PCDHA4: variants seen among roughly 807,000 people sequenced by gnomAD.
PCDHA4 encodes the protein protocadherin alpha-4.
Under a neutral mutation model 61.4 loss-of-function variants are expected in PCDHA4, and 49 were observed. That is an observed-to-expected ratio of 0.80 (90% CI 0.63 to 1.01). PCDHA4 has a LOEUF of 1.01. PCDHA4 is among the 50% of genes least tolerant of loss of function. PCDHA4 has a pLI of 0.00. For missense variants in PCDHA4, 1,254 were observed against 1,235.8 expected, an observed-to-expected ratio of 1.01 and a Z score of -0.22; for synonymous variants, 590 against 550.3, an observed-to-expected ratio of 1.07 and a Z score of -1.01.
intron 1 of PCDHA4, chr5:140,927,599 C>T (rs1250728851): frequency 6.2e-7 from 1 of 1,614,070 alleles, no homozygotes; most frequent in African/African-American, 1.3e-5. Context: ...TTTGAGCGCT[C>T]CGTATACCGC....
At chr5:140,919,183 A>T (rs2079029188) in intron 1 of PCDHA4, among the ~76,000 whole-genome samples, 1 of 152,104 alleles carries the variant, frequency 6.6e-6, no homozygotes, top group Non-Finnish European at 1.5e-5. Context: ...TATCTTCCTG[A>T]TTGGTCCTTT....
intron 2 of PCDHA4, among the ~76,000 whole-genome samples, chr5:140,980,712 T>G (rs4404731): frequency 0.013 from 1,940 of 152,272 alleles, 50 homozygotes; most frequent in African/African-American, 0.045. Context: ...GTGCTCCTAT[T>G]CGGGTTTCAA....
chr5:140,870,731 C>G (rs782095287), intron 1 of PCDHA4: 1 of 1,613,444 alleles, frequency 6.2e-7, no homozygotes. Flanking sequence ...GGCGTGCCGC[C>G]TCTGAGCAGC....
At chr5:140,833,399 G>C (rs1554133822) in intron 1 of PCDHA4, among the ~76,000 whole-genome samples, 1 of 152,156 alleles carries the variant, frequency 6.6e-6, no homozygotes, top group Non-Finnish European at 1.5e-5. Context: ...CTCAAGACTT[G>C]ATCAAAGGGC....
At chr5:140,824,171 C>G in intron 1 of PCDHA4, 1 of 1,610,416 alleles carries the variant, frequency 6.2e-7, no homozygotes, top group Non-Finnish European at 8.5e-7. Context: ...TCCCAATTTT[C>G]AAATATTAAA....
rs1764483648 is a variant in PCDHA4 at position 140,809,498 on chromosome 5, G to A, written c.2311G>A (p.Ala771Thr). The A allele has an allele frequency of 6.8e-6, 11 of 1,614,236 alleles. No individual in the cohort carries two copies. The highest frequency in any genetic ancestry group is 8.5e-6 in the Non-Finnish European group (10 of 1,180,034). The change falls in exon 1 of 4, where the codon GCC becomes ACC. Residue 771 changes from alanine (A) to threonine (T), a missense_variant. Physicochemically the swap from Ala to Thr is moderately conservative, Grantham distance 58 (BLOSUM62 0). Transcript: ENST00000530339. ...GEGPPKTDLMAFSPSLPDSRD... is the reference protein window; with the variant it reads ...GEGPPKTDLMTFSPSLPDSRD... Reference sequence around the variant, plus strand: ...GGGCCCACCCAAGACCGACCTCATGGCCTTCAGCCCCAGTTTACCTGACTC... The same window carrying A: ...GGGCCCACCCAAGACCGACCTCATGACCTTCAGCCCCAGTTTACCTGACTC...
At chr5:140,857,006 G>A (rs1365266931) in intron 1 of PCDHA4, 2 of 1,595,206 alleles carry the variant, frequency 1.3e-6, no homozygotes, top group East Asian at 2.2e-5. Flanking sequence ...AATTCATGTA[G>A]ATGTTACAGA....
chr5:140,858,297 A>G, intron 1 of PCDHA4: 2 of 1,597,406 alleles, frequency 1.3e-6, no homozygotes, highest in Non-Finnish European at 1.7e-6. Flanking sequence ...TCTTACTCGC[A>G]GCAGAGGCGG....
intron 1 of PCDHA4, chr5:140,867,813 C>A (rs1189080463): frequency 6.6e-6 from 1 of 152,032 alleles, no homozygotes; most frequent in African/African-American, 2.4e-5. Flanking sequence ...TATGAAATTC[C>A]ATTTCCACAA....
At chr5:140,828,067 G>A (rs2150150517) in intron 1 of PCDHA4, 4 of 1,560,446 alleles carry the variant, frequency 2.6e-6, no homozygotes, top group Non-Finnish European at 8.7e-7. Flanking sequence ...ATCTTCTAAT[G>A]GAAATAAAAC....
intron 3 of PCDHA4, among the ~76,000 whole-genome samples, chr5:141,000,415 A>ATTT (rs1563651650): frequency 1.1e-5 from 1 of 87,398 alleles, no homozygotes; most frequent in South Asian, 4.0e-4. Flanking sequence ...ATATATATAT[A>ATTT]TATATATTTT....
chr5:140,820,301 T>G (rs1554127819), intron 1 of PCDHA4, among the ~76,000 whole-genome samples: 1 of 152,006 alleles, frequency 6.6e-6, no homozygotes, highest in Non-Finnish European at 1.5e-5. Context: ...AACAATTCTA[T>G]GACAATATCT....
At chr5:140,838,084 G>A (rs1419465245) in intron 1 of PCDHA4, among the ~76,000 whole-genome samples, 2 of 31,492 alleles carry the variant, frequency 6.4e-5, no homozygotes, top group East Asian at 1.1e-3. Context: ...TATAGTGTGT[G>A]TGTGTGTGTG....
intron 1 of PCDHA4, chr5:140,847,725 G>A (rs1003517180): frequency 2.0e-5 from 3 of 149,656 alleles, no homozygotes; most frequent in Non-Finnish European, 4.5e-5. Flanking sequence ...CTACAAAAGA[G>A]AAAAATATAT....
chr5:140,936,714 C>G (rs2091106727), intron 1 of PCDHA4, among the ~76,000 whole-genome samples: 1 of 152,198 alleles, frequency 6.6e-6, no homozygotes, highest in African/African-American at 2.4e-5. Context: ...TGTGCCAATA[C>G]ATTCTGTGTT....
intron 1 of PCDHA4, chr5:140,834,315 G>A: frequency 7.3e-7 from 1 of 1,374,090 alleles, no homozygotes. Flanking sequence ...TTGAAATGAA[G>A]GGATAAAAAC....
intron 1 of PCDHA4, among the ~76,000 whole-genome samples, chr5:140,962,940 A>G (rs1441801947): frequency 1.3e-5 from 2 of 152,186 alleles, no homozygotes; most frequent in African/African-American, 4.8e-5. Context: ...CCTCCTCTCC[A>G]TAAGATATGC....
chr5:140,966,313 C>G, intron 1 of PCDHA4: 1 of 386,824 alleles, frequency 2.6e-6, no homozygotes. Flanking sequence ...CGTGTTCCTG[C>G]GGTCCGCTGG....
chr5:140,821,556 G>C (rs1766999571), intron 1 of PCDHA4: 1 of 514,542 alleles, frequency 1.9e-6, no homozygotes, highest in African/African-American at 1.9e-5. Context: ...TCCACATGAT[G>C]TCGCTGGACA....
Sources: allele counts gnomAD v4.1 joint callset (sites outside exome capture counted in the v4.1 genomes callset), GRCh38; gene constraint gnomAD v4.1.1; transcripts MANE v1.5; gene names NCBI Gene and HGNC (gene_info 2026-07-23, HGNC 2026-07-21).